Variants in CHD9 observed in about 807,000 individuals in gnomAD.
CHD9 encodes the protein ATP-dependent chromatin remodeler CHD9.
Under a neutral mutation model 316.1 loss-of-function variants are expected in CHD9, and 77 were observed. The ratio of observed to expected loss-of-function variants is 0.24; its 90% CI spans 0.20 to 0.29. The LOEUF (loss-of-function observed/expected upper bound fraction) is 0.29. Among genes scored for constraint, CHD9 ranks in the 10% least tolerant of loss-of-function variants. The probability of loss-of-function intolerance (pLI) is 1.00; values close to 1 mark genes in which losing one functional copy is unlikely to be tolerated. For missense variants in CHD9, 2,763 were observed against 3,438.1 expected (o/e 0.80, Z 4.91); for synonymous variants, 1,129 against 1,158.3 (o/e 0.97, Z 0.51).
At chr16:53,209,842 CCTTTCAATGTTCTG>C in intron 3 of CHD9, 29 bp downstream of exon 3, 1 of 1,406,362 alleles carries the variant, frequency 7.1e-7, no homozygotes, top group Non-Finnish European at 9.6e-7. Flanking sequence ...AAATTTAATT[CCTTTCAATGTTCTG>C]TTAAAGTTCA....
At chr16:53,189,143 G>GT (rs1158851170) in intron 2 of CHD9, among the ~76,000 whole-genome samples, 5 of 151,670 alleles carry the variant, frequency 3.3e-5, no homozygotes, top group Non-Finnish European at 7.4e-5. Context: ...CAATCTAGGT[G>GT]TTTTTTATTG....
At chr16:53,253,240 A>C (rs891459517) in intron 17 of CHD9, among the ~76,000 whole-genome samples, 1 of 151,906 alleles carries the variant, frequency 6.6e-6, no homozygotes, top group East Asian at 1.9e-4. Flanking sequence ...ATATATATAT[A>C]TATGATAGGA....
intron 1 of CHD9, among the ~76,000 whole-genome samples, chr16:53,149,576 A>AT (rs199516824): frequency 0.081 from 10,635 of 130,836 alleles, 757 homozygotes; most frequent in African/African-American, 0.2. Context: ...GTACCCAGCC[A>AT]TTTTTTTTTT....
rs570282684 is a variant in CHD9 at position 53,318,917 on chromosome 16, A to C, written c.7713+577A>C. On this transcript the variant is annotated intron_variant, in intron 37 of 38. Transcript: ENST00000447540. ...AGATGACCTTAACATGTCTTTTTCT[A>C]TCAAAATCATCATATTACATAATTT... 3.9e-5 allele frequency among the ~76,000 whole-genome samples: 6 copies of C among 152,338 alleles called. 1 individual carries two copies. Among genetic ancestry groups the C allele is most frequent in the Middle Eastern group, 3.4e-3 (1 of 294 alleles).
At chr16:53,246,461 T>G (rs1310039848) in intron 15 of CHD9, among the ~76,000 whole-genome samples, 1 of 152,102 alleles carries the variant, frequency 6.6e-6, no homozygotes, top group African/African-American at 2.4e-5. Context: ...TAACATGGCT[T>G]TCATTTTAAT....
intron 1 of CHD9, among the ~76,000 whole-genome samples, chr16:53,146,419 G>GTATGTATGTATATATATATATATATATA (rs59577921): frequency 3.9e-5 from 3 of 76,704 alleles, no homozygotes; most frequent in South Asian, 3.8e-4. Flanking sequence ...GTGTGTGTAT[G>GTATGTATGTATATATATATATATATATA]TATATATATA....
chr16:53,190,173 G>A (rs963090360), intron 2 of CHD9, among the ~76,000 whole-genome samples: 1 of 152,094 alleles, frequency 6.6e-6, no homozygotes, highest in African/African-American at 2.4e-5. Context: ...TAAGATTATA[G>A]CAGTTTACAA....
At chr16:53,246,117 ACAG>A (rs1339160410) in intron 15 of CHD9, among the ~76,000 whole-genome samples, 1 of 152,252 alleles carries the variant, frequency 6.6e-6, no homozygotes, top group East Asian at 1.9e-4. Flanking sequence ...ATAGGCAAAG[ACAG>A]CAAAGCCCAT....
intron 1 of CHD9, among the ~76,000 whole-genome samples, chr16:53,095,807 T>A (rs2036328592): frequency 6.6e-6 from 1 of 152,162 alleles, no homozygotes; most frequent in Non-Finnish European, 1.5e-5. Flanking sequence ...ATCATTTTTG[T>A]CTGTGTCTCC....
Position 53,222,676 on chromosome 16 carries a change from A to G in CHD9, c.1817A>G (p.Lys606Arg), listed in dbSNP as rs771317683. ...KLIITLGKKQKRKNESSDEIS... is the reference protein window; with the variant it reads ...KLIITLGKKQRRKNESSDEIS... ...ATTATTACATTGGGTAAGAAACAAA[A>G]AAGAAAGAATGAGTCTTCAGATGAA... The change falls in exon 4 of 39, where the codon AAA (lysine) becomes AGA (arginine). Residue 606 changes from lysine to arginine, a missense_variant. Physicochemically the swap from Lys to Arg is conservative, Grantham distance 26 (BLOSUM62 2). Transcript: ENST00000447540. 2 of 1,572,092 alleles carry G rather than the reference A, an allele frequency of 1.3e-6. No homozygotes were observed. Among genetic ancestry groups the G allele is most frequent in the South Asian group, 2.3e-5 (2 of 86,386 alleles).
chr16:53,095,122 T>C (rs9934578), intron 1 of CHD9, among the ~76,000 whole-genome samples: 115,556 of 152,140 alleles, frequency 0.76, 44,118 homozygotes, highest in East Asian at 0.82. Context: ...CCTCCCTTCC[T>C]ATTACTTTGC....
chr16:53,100,463 T>TTTTTTTTTC lies in CHD9; in HGVS notation c.-165+45393_-165+45394insTCTTTTTTT, dbSNP rs2036761612. 7.9e-5 allele frequency among the ~76,000 whole-genome samples: 12 copies of TTTTTTTTTC among 151,208 alleles called. 1 individual carries two copies. In the South Asian group the frequency reaches 1.9e-3, roughly 24 times the overall value. On this transcript the variant is annotated intron_variant, in intron 1 of 38. Transcript: ENST00000447540. ...TTTAGACTCATTCGTCTTTTTTTTT[T>TTTTTTTTTC]TTTTTTTCCAAAAGACAGGGTCTTG... is the stretch of plus-strand genomic sequence containing the variant.
At chr16:53,307,031 C>T (rs1276428460) in intron 32 of CHD9, among the ~76,000 whole-genome samples, 2 of 152,054 alleles carry the variant, frequency 1.3e-5, no homozygotes, top group East Asian at 1.9e-4. Context: ...CCGCTTGCCT[C>T]GGCCTCCCAA....
chr16:53,235,057 A>C, intron 10 of CHD9, 128 bp from the exon 11 acceptor site: 1 of 579,414 alleles, frequency 1.7e-6, no homozygotes, highest in Non-Finnish European at 2.8e-6. Context: ...TTTAAATGTT[A>C]GGTAAAAGTT....
intron 1 of CHD9, among the ~76,000 whole-genome samples, chr16:53,151,705 T>G (rs908199810): frequency 6.6e-6 from 1 of 152,246 alleles, no homozygotes; most frequent in Non-Finnish European, 1.5e-5. Flanking sequence ...TTTCGGGTAT[T>G]GTACTTTTCA....
intron 16 of CHD9, among the ~76,000 whole-genome samples, chr16:53,249,634 T>A (rs34984764): frequency 0.12 from 18,392 of 152,196 alleles, 1,295 homozygotes; most frequent in South Asian, 0.23. Flanking sequence ...TTTATTGTAG[T>A]GTTCTTTTAC....
At chr16:53,055,460 A>G (rs2031950863) in intron 1 of CHD9, among the ~76,000 whole-genome samples, 1 of 151,100 alleles carries the variant, frequency 6.6e-6, no homozygotes, top group Non-Finnish European at 1.5e-5. Context: ...CTTGGGAAGC[A>G]TTAAAAAAAT....
At chr16:53,117,741 C>A (rs575726478) in intron 1 of CHD9, among the ~76,000 whole-genome samples, 50 of 152,036 alleles carry the variant, frequency 3.3e-4, no homozygotes, top group African/African-American at 1.1e-3. Flanking sequence ...GAGATCTTTA[C>A]CCAAACTTTC....
chr16:53,239,759 G>A (rs112518168), intron 12 of CHD9, among the ~76,000 whole-genome samples: 2 of 152,012 alleles, frequency 1.3e-5, no homozygotes, highest in South Asian at 2.1e-4. Context: ...GTTTGAGGCC[G>A]CAGTGAGCTG....
Sources: allele counts gnomAD v4.1 joint callset (sites outside exome capture counted in the v4.1 genomes callset), GRCh38; gene constraint gnomAD v4.1.1; transcripts MANE v1.5; gene names NCBI Gene and HGNC (gene_info 2026-07-23, HGNC 2026-07-21).